DIP2B: variants seen among roughly 807,000 people sequenced by gnomAD.
DIP2B encodes disco-interacting protein 2 homolog B.
In DIP2B, 76 loss-of-function variants were observed where a neutral mutation model predicts 198.0. The observed-to-expected ratio is 0.38, with a 90% CI of 0.32 to 0.46. The LOEUF (loss-of-function observed/expected upper bound fraction) is 0.46, where lower values mean the gene tolerates loss of function less well. Ranked by LOEUF, DIP2B falls within the 20% of genes least tolerant of loss-of-function variation. DIP2B has a pLI of 0.99. For synonymous variants in DIP2B, 701 were observed against 739.1 expected (o/e 0.95, Z 0.84); for missense variants, 1,559 against 1,978.4 (o/e 0.79, Z 4.02).
intron 1 of DIP2B, among the ~76,000 whole-genome samples, chr12:50,548,174 G>T (rs148080105): frequency 1.3e-5 from 2 of 152,276 alleles, no homozygotes; most frequent in East Asian, 3.9e-4. Context: ...AGGGGTTAGA[G>T]TAAGGAACTT....
intron 4 of DIP2B, among the ~76,000 whole-genome samples, chr12:50,664,012 A>G (rs891049581): frequency 2.0e-5 from 3 of 152,144 alleles, no homozygotes; most frequent in African/African-American, 7.2e-5. Flanking sequence ...CATACATCAT[A>G]AAGCACATCT....
At chr12:50,611,087 C>T (rs543169209) in intron 1 of DIP2B, among the ~76,000 whole-genome samples, 27 of 152,212 alleles carry the variant, frequency 1.8e-4, no homozygotes, top group Non-Finnish European at 3.5e-4. Context: ...CGTGAGCCAC[C>T]GCGCTTGGCC....
At chr12:50,571,169 TC>T (rs1407670742) in intron 1 of DIP2B, among the ~76,000 whole-genome samples, 12 of 134,262 alleles carry the variant, frequency 8.9e-5, no homozygotes, top group Non-Finnish European at 9.7e-5. Flanking sequence ...ATTGGCAGCC[TC>T]TTTTTTTTTT....
chr12:50,683,738 G>A (rs553725550), intron 10 of DIP2B, among the ~76,000 whole-genome samples: 2 of 152,058 alleles, frequency 1.3e-5, no homozygotes, highest in East Asian at 1.9e-4. Context: ...AGTTGAGATC[G>A]CGCTATTGCA....
At position 50,721,360 on chromosome 12, in the gene DIP2B, A is replaced by G. The variant is rs768428834; in HGVS notation, c.3130A>G (p.Asn1044Asp). 6.2e-7 allele frequency: 1 copy of G among 1,614,160 alleles called. No individual in the cohort carries two copies. Among genetic ancestry groups the G allele is most frequent in the Non-Finnish European group, 8.5e-7 (1 of 1,180,022 alleles). ...TGTTCTTGGTGATAAGGGACATCTAAATGCAGGAGATAATGTGGTGTTGCT... is the reference window on the plus strand; with the variant it reads ...TGTTCTTGGTGATAAGGGACATCTAGATGCAGGAGATAATGTGGTGTTGCT... ...ASVLGDKGHL[N>D]AGDNVVLLYP... The change falls in exon 26 of 38, where the codon AAT becomes GAT. Residue 1044 changes from asparagine to aspartate, a missense_variant. By Grantham distance (23) the Asn-to-Asp change is conservative. Transcript: ENST00000301180.
Position 50,698,352 on chromosome 12 carries a change from G to A in DIP2B, c.2073G>A (p.Leu691=). 6.2e-7 allele frequency: 1 copy of A among 1,613,280 alleles called. No homozygotes were observed. The highest frequency in any genetic ancestry group is 8.5e-7 in the Non-Finnish European group (1 of 1,179,590). ...IRRPGVPGAP[L]PGRAILSMNG... ...GGCCTGGAGTTCCAGGAGCCCCTTT[G>A]CCAGGAAGAGCCATTCTCTCAATGA... The change falls in exon 18 of 38, where the codon TTG becomes TTA. Residue 691 remains leucine (L), a synonymous_variant. Coordinates refer to ENST00000301180, the MANE Select transcript of DIP2B (RefSeq NM_173602.3).
chr12:50,532,190 TAG>T (rs1958224297), intron 1 of DIP2B, among the ~76,000 whole-genome samples: 1 of 152,170 alleles, frequency 6.6e-6, no homozygotes, highest in Admixed American at 6.5e-5. Context: ...AGTTCTTGCC[TAG>T]TGGCCTTATG....
At chr12:50,596,408 G>A (rs1041830252) in intron 1 of DIP2B, among the ~76,000 whole-genome samples, 2 of 152,198 alleles carry the variant, frequency 1.3e-5, no homozygotes, top group Non-Finnish European at 2.9e-5. Flanking sequence ...AGTCTGGGCT[G>A]TGGAATCTTA....
chr12:50,601,363 T>A (rs78114085), intron 1 of DIP2B, among the ~76,000 whole-genome samples: 1 of 151,922 alleles, frequency 6.6e-6, no homozygotes, highest in African/African-American at 2.4e-5. Context: ...GTTTTTTTTT[T>A]AGACAGAGTC....
chr12:50,637,073 C>G (rs148617983), intron 2 of DIP2B, among the ~76,000 whole-genome samples: 2 of 152,156 alleles, frequency 1.3e-5, no homozygotes, highest in East Asian at 3.9e-4. Context: ...ATTGATTGAG[C>G]CTTCTTGGAT....
intron 28 of DIP2B, 44 bp downstream of exon 28, chr12:50,724,930 A>T: frequency 6.4e-7 from 1 of 1,567,132 alleles, no homozygotes; most frequent in South Asian, 1.1e-5. Flanking sequence ...CTGAGAGCTC[A>T]CAATACCTGA....
At chr12:50,543,927 A>AAT (rs535689432) in intron 1 of DIP2B, among the ~76,000 whole-genome samples, 1 of 147,218 alleles carries the variant, frequency 6.8e-6, no homozygotes, top group Non-Finnish European at 1.5e-5. Flanking sequence ...CAGCCTTTAA[A>AAT]AAAAAAAAAA....
At chr12:50,628,976 G>C (rs1167598659) in intron 2 of DIP2B, among the ~76,000 whole-genome samples, 1 of 151,986 alleles carries the variant, frequency 6.6e-6, no homozygotes, top group East Asian at 1.9e-4. Context: ...CCTCCCAGGC[G>C]CAAGTGATCC....
chr12:50,708,465 T>A lies in DIP2B; in HGVS notation c.2552T>A (p.Val851Glu). The change falls in exon 22 of 38, where the codon GTG becomes GAG. Residue 851 changes from valine to glutamate, a missense_variant. Physicochemically the swap from Val to Glu is moderately radical, Grantham distance 121. Coordinates refer to ENST00000301180, the MANE Select transcript of DIP2B (RefSeq NM_173602.3). ...TCTCTTAGAATTGCTGTGTTTTCTG[T>A]GTCTGTATTTTATGATGAGCGCATT... ...VYRGRIAVFSVSVFYDERIVV... is the reference protein window; with the variant it reads ...VYRGRIAVFSESVFYDERIVV... 6.2e-7 allele frequency: 1 copy of A among 1,602,012 alleles called. No homozygotes were observed. The highest frequency in any genetic ancestry group is 1.1e-5 in the South Asian group (1 of 88,862).
At position 50,571,483 on chromosome 12, in the gene DIP2B, C is replaced by T. The variant is rs201547177; in HGVS notation, c.101-54493C>T. Among the ~76,000 whole-genome samples the T allele has an allele frequency of 5.0e-4, 74 of 148,790 alleles. No individual in the cohort carries two copies. The East Asian group carries it at 0.015, about 30-fold the overall frequency. ...CCACCACACCCCGCCTATTGGCAGC[C>T]TTTTGAAAGGCTTTGGCTATAGGTA... On this transcript the variant is annotated intron_variant, in intron 1 of 37. Transcript: ENST00000301180.
intron 1 of DIP2B, among the ~76,000 whole-genome samples, chr12:50,553,669 TC>T (rs1421864920): frequency 6.6e-6 from 1 of 152,198 alleles, no homozygotes; most frequent in African/African-American, 2.4e-5. Context: ...TTTGTTTCGT[TC>T]TGAGACAGGT....
intron 1 of DIP2B, among the ~76,000 whole-genome samples, chr12:50,522,417 G>GCTGT (rs1958128240): frequency 6.6e-6 from 1 of 152,210 alleles, no homozygotes; most frequent in Non-Finnish European, 1.5e-5. Context: ...CAGGGTACAA[G>GCTGT]ACGGGAACCA....
At chr12:50,613,009 G>A (rs1959044586) in intron 1 of DIP2B, among the ~76,000 whole-genome samples, 1 of 152,200 alleles carries the variant, frequency 6.6e-6, no homozygotes, top group African/African-American at 2.4e-5. Context: ...GCACTGCCTA[G>A]CACAGCATGT....
chr12:50,651,689 G>A (rs939689091), intron 3 of DIP2B, among the ~76,000 whole-genome samples: 4 of 152,054 alleles, frequency 2.6e-5, no homozygotes, highest in South Asian at 4.2e-4. Flanking sequence ...TCTTCCTGTC[G>A]GTCTTTATGC....
Sources: gnomAD v4.1 joint callset for allele counts (sites outside exome capture counted in the v4.1 genomes callset) on GRCh38, gnomAD v4.1.1 for gene constraint, MANE v1.5 for transcripts, NCBI Gene and HGNC (gene_info 2026-07-23, HGNC 2026-07-21) for gene names.